VPS8: variants seen among roughly 807,000 people sequenced by gnomAD.
VPS8 encodes vacuolar protein sorting-associated protein 8 homolog.
In VPS8, 129 loss-of-function variants were observed where a neutral mutation model predicts 216.4. That is an observed-to-expected ratio of 0.60 (90% CI 0.52 to 0.69). VPS8 has a LOEUF of 0.69. VPS8 is among the 30% of genes least tolerant of loss of function. The pLI is 0.00. For missense variants in VPS8, 1,531 were observed against 1,683.5 expected, an observed-to-expected ratio of 0.91 and a Z score of 1.59; for synonymous variants, 571 against 565.4, an observed-to-expected ratio of 1.01 and a Z score of -0.14.
intron 8 of VPS8, among the ~76,000 whole-genome samples, 181 bp downstream of exon 8, chr3:184,843,426 A>G (rs767926569): frequency 1.1e-4 from 17 of 152,104 alleles, no homozygotes; most frequent in Admixed American, 3.3e-4. Context: ...TATACCTTCA[A>G]TGTTTTAACT....
chr3:184,841,473 A>G (rs940801292), intron 7 of VPS8, among the ~76,000 whole-genome samples: 6 of 152,200 alleles, frequency 3.9e-5, no homozygotes, highest in Non-Finnish European at 8.8e-5. Context: ...ATTTCCTACT[A>G]TAAGACATTT....
intron 10 of VPS8, among the ~76,000 whole-genome samples, chr3:184,851,570 G>A (rs1334958910): frequency 6.6e-6 from 1 of 152,042 alleles, no homozygotes; most frequent in Non-Finnish European, 1.5e-5. Context: ...AGAAATACAA[G>A]TTCTGTTATT....
At chr3:184,905,375 T>C (rs1455212726) in intron 25 of VPS8, among the ~76,000 whole-genome samples, 4 of 152,232 alleles carry the variant, frequency 2.6e-5, no homozygotes, top group Non-Finnish European at 5.9e-5. Flanking sequence ...ATCTAATATG[T>C]AGGCATATAG....
chr3:184,977,887 T>C (rs1577043749), intron 40 of VPS8, among the ~76,000 whole-genome samples: 2 of 149,350 alleles, frequency 1.3e-5, no homozygotes, highest in African/African-American at 4.9e-5. Context: ...CTTTTTTCTT[T>C]TTTTTTTTTT....
At chr3:184,905,768 A>G (rs1007270322) in intron 25 of VPS8, among the ~76,000 whole-genome samples, 1 of 152,132 alleles carries the variant, frequency 6.6e-6, no homozygotes, top group African/African-American at 2.4e-5. Context: ...TCACAAAAGA[A>G]ACTTAGCCTG....
intron 14 of VPS8, among the ~76,000 whole-genome samples, chr3:184,858,260 C>G (rs1171153311): frequency 6.6e-6 from 1 of 152,134 alleles, no homozygotes; most frequent in Non-Finnish European, 1.5e-5. Context: ...AAGATTGACA[C>G]TCAAGGTCCT....
chr3:184,927,826 G>A (rs950260959), intron 31 of VPS8, among the ~76,000 whole-genome samples: 2 of 152,070 alleles, frequency 1.3e-5, no homozygotes, highest in African/African-American at 4.8e-5. Flanking sequence ...CACAATACTC[G>A]TTCTTTTGTA....
intron 30 of VPS8, among the ~76,000 whole-genome samples, chr3:184,925,796 C>CAA (rs1348523927): frequency 7.6e-6 from 1 of 132,064 alleles, no homozygotes; most frequent in Non-Finnish European, 1.5e-5. Flanking sequence ...TTTTTTGAGA[C>CAA]AGAGTCTGGC....
intron 45 of VPS8, among the ~76,000 whole-genome samples, chr3:185,009,611 C>CG (rs1051662858): frequency 6.6e-6 from 1 of 151,752 alleles, no homozygotes; most frequent in Non-Finnish European, 1.5e-5. Flanking sequence ...GAGTTTTTTG[C>CG]GGGGGGTAGG....
chr3:184,822,390 G>A (rs1037006194), intron 1 of VPS8, among the ~76,000 whole-genome samples: 1 of 152,122 alleles, frequency 6.6e-6, no homozygotes, highest in Admixed American at 6.5e-5. Flanking sequence ...GTGTGATATT[G>A]GGGTTCACAG....
intron 22 of VPS8, among the ~76,000 whole-genome samples, chr3:184,887,584 C>G (rs1402982498): frequency 6.6e-6 from 1 of 152,188 alleles, no homozygotes; most frequent in Admixed American, 6.5e-5. Context: ...TGCCAAAACT[C>G]AGTCCCACAG....
intron 34 of VPS8, among the ~76,000 whole-genome samples, chr3:184,935,038 C>G (rs375418586): frequency 1.3e-5 from 2 of 151,912 alleles, no homozygotes; most frequent in East Asian, 3.9e-4. Flanking sequence ...GGTTAAAAAT[C>G]AAATCAGGGT....
intron 36 of VPS8, among the ~76,000 whole-genome samples, chr3:184,947,323 A>G (rs550981082): frequency 9.2e-5 from 14 of 152,280 alleles, no homozygotes; most frequent in Admixed American, 4.6e-4. Context: ...CCTTTCAGAA[A>G]GTTTCACATA....
chr3:184,936,745 T>TC (rs1280436669), intron 35 of VPS8, among the ~76,000 whole-genome samples: 5 of 151,418 alleles, frequency 3.3e-5, no homozygotes, highest in Non-Finnish European at 7.4e-5. Flanking sequence ...CCGTTTTCTT[T>TC]TTTTTTTTTT....
At chr3:184,825,834 G>A (rs1398740520) in intron 2 of VPS8, among the ~76,000 whole-genome samples, 1 of 151,976 alleles carries the variant, frequency 6.6e-6, no homozygotes, top group Non-Finnish European at 1.5e-5. Flanking sequence ...CCGGGAGGTG[G>A]AGGTTGCAGT....
At chr3:184,876,567 G>A (rs1729317465) in intron 21 of VPS8, among the ~76,000 whole-genome samples, 1 of 152,088 alleles carries the variant, frequency 6.6e-6, no homozygotes, top group South Asian at 2.1e-4. Flanking sequence ...AGAGTAAGTT[G>A]CCCATTTACA....
At chr3:184,916,143 A>G (rs1240697195) in intron 28 of VPS8, among the ~76,000 whole-genome samples, 2 of 152,206 alleles carry the variant, frequency 1.3e-5, no homozygotes, top group Non-Finnish European at 2.9e-5. Context: ...GATAGTAAAA[A>G]TAGCTGGAGT....
chr3:184,993,489 C>A (rs539606739), intron 42 of VPS8, among the ~76,000 whole-genome samples: 5 of 151,808 alleles, frequency 3.3e-5, no homozygotes, highest in Admixed American at 1.3e-4. Flanking sequence ...TCAGTAGTGA[C>A]CTTATTGAAA....
In VPS8 at chr3:184,821,124, A is replaced by G. The variant is rs189947200; in HGVS notation, c.-88-3421A>G. 6.6e-5 allele frequency among the ~76,000 whole-genome samples: 10 copies of G among 152,340 alleles called. No individual in the cohort carries two copies. In the East Asian group the frequency reaches 7.7e-4, roughly 12 times the overall value. Reference sequence around the variant, plus strand: ...AAATTATGTCCAGACATTATTCTCAATGCTTTGTAATCATATCATTTGTTC... The same window carrying G: ...AAATTATGTCCAGACATTATTCTCAGTGCTTTGTAATCATATCATTTGTTC... On this transcript the variant is annotated intron_variant, in intron 1 of 47. Transcript: ENST00000625842.
Sources: gnomAD v4.1 joint callset for allele counts (sites outside exome capture counted in the v4.1 genomes callset) on GRCh38, gnomAD v4.1.1 for gene constraint, MANE v1.5 for transcripts, NCBI Gene and HGNC (gene_info 2026-07-23, HGNC 2026-07-21) for gene names.